The following TRPC6 variants were observed in gnomAD, a reference collection of about 807,000 sequenced individuals.
The protein encoded by TRPC6 is short transient receptor potential channel 6.
A neutral mutation model predicts 90.7 loss-of-function variants in TRPC6; 55 were observed. The ratio of observed to expected loss-of-function variants is 0.61; its 90% confidence interval spans 0.49 to 0.76. TRPC6 has a LOEUF of 0.76. TRPC6 is among the 30% of genes least tolerant of loss of function. The pLI, the probability that TRPC6 is intolerant of heterozygous loss-of-function variation, is 0.00. For missense variants in TRPC6, 989 were observed against 1,122.7 expected (o/e 0.88, Z 1.70); for synonymous variants, 393 against 393.0 (o/e 1.00, Z 0.00).
intron 1 of TRPC6, among the ~76,000 whole-genome samples, chr11:101,565,551 G>C (rs554047324): frequency 1.3e-5 from 2 of 151,854 alleles, no homozygotes; most frequent in Non-Finnish European, 2.9e-5. Flanking sequence ...TGTTCTTTAA[G>C]AAACAAACTG....
At chr11:101,513,609 G>A (rs1305119746) in intron 1 of TRPC6, among the ~76,000 whole-genome samples, 1 of 152,078 alleles carries the variant, frequency 6.6e-6, no homozygotes, top group African/African-American at 2.4e-5. Context: ...TATTTTTGAT[G>A]ATGGGTAACC....
In TRPC6 at chr11:101,504,549, T is replaced by C. The variant is rs1860209553; in HGVS notation, c.420A>G (p.Ala140=). Reference sequence around the variant, plus strand: ...TAATTTCCAGATGCTCATTGGCCACTGCCAACTGTAGGGCATTCTGGCCCA... The same window carrying C: ...TAATTTCCAGATGCTCATTGGCCACCGCCAACTGTAGGGCATTCTGGCCCA... ...DYMGQNALQL[A]VANEHLEITE... is the part of the protein sequence containing the mutation. The change falls in exon 2 of 13, where the codon GCA becomes GCG. Residue 140 remains alanine (A), a synonymous_variant. Transcript: ENST00000344327. 3 of 1,614,078 alleles carry C rather than the reference T, an allele frequency of 1.9e-6. No individual in the cohort carries two copies. The African/African-American group carries it at 4.0e-5, about 22-fold the overall frequency.
At chr11:101,461,095 G>A (rs1366592366) in intron 10 of TRPC6, among the ~76,000 whole-genome samples, 3 of 152,076 alleles carry the variant, frequency 2.0e-5, no homozygotes, top group Admixed American at 6.6e-5. Flanking sequence ...AAAAATGATT[G>A]GGACCACACA....
rs540013344 is a variant in TRPC6 at position 101,564,373 on chromosome 11, A to C, written c.170+18961T>G. On this transcript the variant is annotated intron_variant, in intron 1 of 12. Coordinates refer to ENST00000344327, the MANE Select transcript of TRPC6 (RefSeq NM_004621.6). ...CTGTATCTAATAATTTTTCCATGGA[A>C]TTTTTGAGCTTTACTATACAATCTT... Among the ~76,000 whole-genome samples the C allele has an allele frequency of 3.9e-5, 6 of 152,272 alleles. No individual in the cohort carries two copies. The South Asian group carries it at 1.2e-3, about 32-fold the overall frequency.
At chr11:101,455,183 C>A in intron 10 of TRPC6, 82 bp from the exon 11 acceptor site, 1 of 1,114,676 alleles carries the variant, frequency 9.0e-7, no homozygotes, top group Non-Finnish European at 1.3e-6. Flanking sequence ...ATCTAATGAA[C>A]TAATAGTCTT....
At chr11:101,566,518 A>G (rs1033104808) in intron 1 of TRPC6, among the ~76,000 whole-genome samples, 12 of 152,224 alleles carry the variant, frequency 7.9e-5, no homozygotes, top group African/African-American at 2.7e-4. Context: ...GATTGTTAAA[A>G]AATATTTAAC....
chr11:101,496,382 C>T (rs1480868273), intron 2 of TRPC6, among the ~76,000 whole-genome samples: 1 of 152,126 alleles, frequency 6.6e-6, no homozygotes. Context: ...TAATTGTCAC[C>T]AGATGGCACA....
chr11:101,558,817 G>A lies in TRPC6; in HGVS notation c.170+24517C>T, dbSNP rs187348214. ...GGTGTTCAGAAAACTGGCTATCCAC[G>A]TGCAGAAGAATGAAATTGGGCCCTT... On this transcript the variant is annotated intron_variant, in intron 1 of 12. Transcript: ENST00000344327. Among the ~76,000 whole-genome samples the A allele has an allele frequency of 3.3e-5, 5 of 152,176 alleles. No homozygotes were observed. In the East Asian group the frequency reaches 7.7e-4, roughly 24 times the overall value.
At position 101,583,479 on chromosome 11, in the gene TRPC6, G is replaced by T; in HGVS notation, c.25C>A (p.Pro9Thr). 6.6e-7 allele frequency: 1 copy of T among 1,509,978 alleles called. No homozygotes were observed. Among genetic ancestry groups the T allele is most frequent in the Non-Finnish European group, 8.9e-7 (1 of 1,127,518 alleles). 93.5% of individuals were successfully genotyped at this position (1,509,978 alleles called of 1,614,324 possible). The change falls in exon 1 of 13, where the codon CCC becomes ACC. Residue 9 changes from proline to threonine, a missense_variant. Physicochemically the swap from Pro to Thr is conservative, Grantham distance 38. Transcript: ENST00000344327. ...CCCCGGGGAGAACTGCCCCTCCGGG[G>T]CCCGAACGCCGGGCTCTGGCTCATG... MSQSPAFG[P>T]RRGSSPRGAA... is the part of the protein sequence containing the mutation.
chr11:101,492,322 G>A (rs1434548033), intron 2 of TRPC6, among the ~76,000 whole-genome samples: 2 of 152,116 alleles, frequency 1.3e-5, no homozygotes, highest in Non-Finnish European at 2.9e-5. Flanking sequence ...GTTGGCTCCC[G>A]CCTGTAATCC....
chr11:101,560,829 C>G (rs1861695174), intron 1 of TRPC6, among the ~76,000 whole-genome samples: 1 of 152,022 alleles, frequency 6.6e-6, no homozygotes, highest in Non-Finnish European at 1.5e-5. Flanking sequence ...CCGTCAGAAG[C>G]ATTGATCATT....
At chr11:101,559,301 A>T (rs1277147039) in intron 1 of TRPC6, among the ~76,000 whole-genome samples, 1 of 152,198 alleles carries the variant, frequency 6.6e-6, no homozygotes, top group African/African-American at 2.4e-5. Flanking sequence ...GATTAGACTA[A>T]TCCCTAATTT....
intron 1 of TRPC6, among the ~76,000 whole-genome samples, chr11:101,517,113 C>A (rs1860540702): frequency 6.6e-6 from 1 of 152,210 alleles, no homozygotes; most frequent in Admixed American, 6.5e-5. Flanking sequence ...CCATTTGCAG[C>A]TGTATTCAGT....
chr11:101,542,810 T>C (rs929092723), intron 1 of TRPC6, among the ~76,000 whole-genome samples: 1 of 152,080 alleles, frequency 6.6e-6, no homozygotes, highest in Non-Finnish European at 1.5e-5. Context: ...TAAAATTCTA[T>C]GAACTTCAGA....
At chr11:101,543,295 C>A (rs1311060526) in intron 1 of TRPC6, among the ~76,000 whole-genome samples, 1 of 151,984 alleles carries the variant, frequency 6.6e-6, no homozygotes, top group Non-Finnish European at 1.5e-5. Flanking sequence ...AGCACTTTGG[C>A]AATTTCTTAT....
chr11:101,482,209 G>A lies in TRPC6; in HGVS notation c.1510+740C>T, dbSNP rs143483291. ...CCAGACTTAACTTCCTTGAACACAG[G>A]GACTGTCTCATTCACTTTAGTATCC... On this transcript the variant is annotated intron_variant, in intron 5 of 12. Coordinates refer to ENST00000344327, the MANE Select transcript of TRPC6 (RefSeq NM_004621.6). Among the ~76,000 whole-genome samples the A allele has an allele frequency of 5.1e-3, 775 of 152,168 alleles. 2 individuals carry two copies. The highest frequency in any genetic ancestry group is 0.018 in the African/African-American group (738 of 41,484).
chr11:101,491,836 CTTTTTTTT>C (rs71056611), intron 2 of TRPC6, 98 bp from the exon 3 acceptor site: 93 of 444,998 alleles, frequency 2.1e-4, no homozygotes, highest in South Asian at 1.4e-3. Context: ...GAGAAACATT[CTTTTTTTT>C]TTTTTTTTTT....
intron 1 of TRPC6, among the ~76,000 whole-genome samples, chr11:101,577,882 GTGAAAGATTCCC>G (rs1328810317): frequency 6.6e-6 from 1 of 152,192 alleles, no homozygotes; most frequent in East Asian, 1.9e-4. Flanking sequence ...GTAGTGATTG[GTGAAAGATTCCC>G]TGAAAGATGA....
At chr11:101,487,514 C>T (rs555390732) in intron 4 of TRPC6, among the ~76,000 whole-genome samples, 3 of 152,144 alleles carry the variant, frequency 2.0e-5, no homozygotes, top group Non-Finnish European at 4.4e-5. Flanking sequence ...TTTGTCACCA[C>T]CTGTCCCTCC....
Sources: allele counts gnomAD v4.1 joint callset (sites outside exome capture counted in the v4.1 genomes callset), GRCh38; gene constraint gnomAD v4.1.1; transcripts MANE v1.5; gene names NCBI Gene and HGNC (gene_info 2026-07-23, HGNC 2026-07-21).